Variants in LAMA3 observed in about 807,000 individuals in gnomAD.
LAMA3 encodes laminin subunit alpha 3.
Under a neutral mutation model 402.0 loss-of-function variants are expected in LAMA3, and 281 were observed. The observed-to-expected ratio is 0.70, with a 90% confidence interval of 0.63 to 0.77. The LOEUF is 0.77. LAMA3 is among the 30% of genes least tolerant of loss of function. The pLI, the probability that LAMA3 is intolerant of heterozygous loss-of-function variation, is 0.00. For missense variants in LAMA3, 3,840 were observed against 4,215.5 expected, an observed-to-expected ratio of 0.91 and a Z score of 2.47; for synonymous variants, 1,431 against 1,558.4, an observed-to-expected ratio of 0.92 and a Z score of 1.93.
chr18:23,920,874 C>CA, intron 60 of LAMA3, 61 bp from the exon 61 acceptor site: 1 of 1,606,458 alleles, frequency 6.2e-7, no homozygotes, highest in Non-Finnish European at 8.5e-7. Flanking sequence ...ACGGGAGTTC[C>CA]AGTGCTCTGC....
intron 1 of LAMA3, among the ~76,000 whole-genome samples, chr18:23,712,307 G>A (rs2061005799): frequency 6.6e-6 from 1 of 151,570 alleles, no homozygotes; most frequent in South Asian, 2.1e-4. Flanking sequence ...TTGAACCTGG[G>A]GGCGGAGGTT....
chr18:23,944,312 T>C (rs865994468), intron 69 of LAMA3, among the ~76,000 whole-genome samples: 3 of 152,152 alleles, frequency 2.0e-5, no homozygotes, highest in Non-Finnish European at 4.4e-5. Context: ...TCCAGGCCCC[T>C]CTCTGGACCT....
chr18:23,851,734 T>C (rs569542117), intron 32 of LAMA3, among the ~76,000 whole-genome samples: 1 of 152,328 alleles, frequency 6.6e-6, no homozygotes, highest in Non-Finnish European at 1.5e-5. Context: ...TTGAGGGCTA[T>C]CCTATTCCAC....
At chr18:23,922,359 C>T (rs2145321474) in intron 62 of LAMA3, among the ~76,000 whole-genome samples, 1 of 152,290 alleles carries the variant, frequency 6.6e-6, no homozygotes. Flanking sequence ...CTTTTGCTAA[C>T]TTATACATCA....
intron 68 of LAMA3, 150 bp from the exon 69 acceptor site, chr18:23,943,638 G>T: frequency 4.3e-6 from 3 of 691,192 alleles, no homozygotes; most frequent in Non-Finnish European, 7.6e-6. Context: ...AAAGTTTCCA[G>T]AGAAACGGGT....
In LAMA3 at chr18:23,790,891, CTTT is replaced by C. The variant is rs34056350; in HGVS notation, c.1603+6747_1603+6749del. Among the ~76,000 whole-genome samples the C allele has an allele frequency of 6.9e-5, 10 of 144,986 alleles. No homozygotes were observed. In the East Asian group the frequency reaches 8.0e-4, roughly 12 times the overall value. ...GTTTGAGATGCATATCCTATTTTAT[CTTT>C]TTTTTTTTTTTTAAGACAGAGTCTC... is the stretch of plus-strand genomic sequence containing the variant. On this transcript the variant is annotated intron_variant, in intron 12 of 74. Coordinates refer to ENST00000313654, the MANE Select transcript of LAMA3 (RefSeq NM_198129.4).
Position 23,933,835 on chromosome 18 carries a change from A to C in LAMA3, c.8762A>C (p.Asp2921Ala). 1 of 1,613,938 alleles carries C rather than the reference A, an allele frequency of 6.2e-7. No homozygotes were observed. Among genetic ancestry groups the C allele is most frequent in the Non-Finnish European group, 8.5e-7 (1 of 1,179,800 alleles). ...LDLTSNSLKR[D>A]VSLGGCSLNK... ...TTGACCAGTAACTCTCTCAAGAGAG[A>C]TGTGTCCCTGGGAGGCTGCAGTTTA... Residue 2921 changes from aspartate (D) to alanine (A), a missense_variant, in exon 67 of 75, where the codon GAT becomes GCT. By Grantham distance (126) the Asp-to-Ala change is moderately radical (BLOSUM62 -2). Transcript: ENST00000313654.
chr18:23,692,568 G>A (rs1598586836), intron 1 of LAMA3, among the ~76,000 whole-genome samples: 2 of 152,130 alleles, frequency 1.3e-5, no homozygotes, highest in South Asian at 2.1e-4. Flanking sequence ...CACCGCAGCC[G>A]GCCCGTTTTG....
intron 12 of LAMA3, among the ~76,000 whole-genome samples, chr18:23,799,824 G>A (rs569237065): frequency 1.1e-4 from 17 of 152,294 alleles, no homozygotes; most frequent in Middle Eastern, 3.4e-3. Context: ...GGTTGGACTG[G>A]CAGACTGAAG....
At chr18:23,733,248 A>G (rs2061422093) in intron 2 of LAMA3, among the ~76,000 whole-genome samples, 1 of 152,168 alleles carries the variant, frequency 6.6e-6, no homozygotes, top group African/African-American at 2.4e-5. Context: ...TTTGCTTGGA[A>G]TATTTTAGGA....
intron 2 of LAMA3, among the ~76,000 whole-genome samples, chr18:23,735,658 T>C (rs2061462061): frequency 6.6e-6 from 1 of 152,178 alleles, no homozygotes; most frequent in African/African-American, 2.4e-5. Context: ...CCCGCAGGAA[T>C]GGGCTCTTAC....
chr18:23,724,462 G>A (rs1434659390), intron 2 of LAMA3, among the ~76,000 whole-genome samples: 1 of 152,022 alleles, frequency 6.6e-6, no homozygotes, highest in Non-Finnish European at 1.5e-5. Flanking sequence ...ATTTCCTGAT[G>A]CCCTCCATGC....
chr18:23,834,332 A>G, intron 24 of LAMA3: 1 of 344,314 alleles, frequency 2.9e-6, no homozygotes, highest in Non-Finnish European at 5.6e-6. Flanking sequence ...TGTGTCAAGT[A>G]CCTGGGTGCA....
intron 40 of LAMA3, 48 bp from the exon 41 acceptor site, chr18:23,884,725 C>T (rs532462106): frequency 2.7e-6 from 4 of 1,468,430 alleles, no homozygotes; most frequent in East Asian, 2.3e-5. Context: ...AAGCATAAAT[C>T]CTATCGATCT....
chr18:23,930,723 CAA>C (rs1491520250), intron 64 of LAMA3, among the ~76,000 whole-genome samples: 1 of 151,868 alleles, frequency 6.6e-6, no homozygotes, highest in East Asian at 1.9e-4. Context: ...GACTCTGTCT[CAA>C]ATAATAATAA....
chr18:23,791,203 T>C (rs2062646565), intron 12 of LAMA3, among the ~76,000 whole-genome samples: 1 of 152,198 alleles, frequency 6.6e-6, no homozygotes, highest in Admixed American at 6.5e-5. Context: ...TCCATGATAT[T>C]GTCTTTACTA....
chr18:23,910,716 A>G (rs542689628), intron 55 of LAMA3, among the ~76,000 whole-genome samples: 1 of 152,312 alleles, frequency 6.6e-6, no homozygotes, highest in South Asian at 2.1e-4. Flanking sequence ...TTTTTTTTAA[A>G]AAAAGCCACA....
At chr18:23,910,495 A>G (rs1162998447) in intron 55 of LAMA3, among the ~76,000 whole-genome samples, 1 of 152,196 alleles carries the variant, frequency 6.6e-6, no homozygotes, top group Non-Finnish European at 1.5e-5. Context: ...GGACACAGAA[A>G]TTATTAAGTC....
chr18:23,791,754 A>C (rs991307279), intron 12 of LAMA3, among the ~76,000 whole-genome samples: 11 of 151,286 alleles, frequency 7.3e-5, no homozygotes, highest in African/African-American at 2.4e-4. Flanking sequence ...AAAAAAAAAA[A>C]AACCACAAAA....
Sources: gnomAD v4.1 joint callset for allele counts (sites outside exome capture counted in the v4.1 genomes callset) on GRCh38, gnomAD v4.1.1 for gene constraint, MANE v1.5 for transcripts, NCBI Gene and HGNC (gene_info 2026-07-23, HGNC 2026-07-21) for gene names.